Variants in DYM observed in about 807,000 individuals in gnomAD.
The protein encoded by DYM is dymeclin.
Under a neutral mutation model 93.1 loss-of-function variants are expected in DYM, and 78 were observed. That is an observed-to-expected ratio of 0.84 (90% CI 0.70 to 1.01). The LOEUF is 1.01. Ranked by LOEUF, DYM falls within the 50% of genes least tolerant of loss-of-function variation. DYM has a pLI of 0.00. For synonymous variants in DYM, 321 were observed against 319.7 expected, an observed-to-expected ratio of 1.00 and a Z score of -0.04; for missense variants, 789 against 845.0, an observed-to-expected ratio of 0.93 and a Z score of 0.82.
intron 10 of DYM, among the ~76,000 whole-genome samples, chr18:49,273,947 T>C (rs1454043880): frequency 1.3e-5 from 2 of 151,376 alleles, no homozygotes; most frequent in Admixed American, 6.6e-5. Context: ...AATGTAAGAG[T>C]AAGTAACGGG....
Position 49,042,005 on chromosome 18 carries a change from G to A in DYM, c.*2050C>T, listed in dbSNP as rs1242903066. Reference sequence around the variant, plus strand: ...ATTTTTTGGTTTAAAGGAAAAGGAAGCCAATCAAAATGCTTTGGAAACAAA... The same window carrying A: ...ATTTTTTGGTTTAAAGGAAAAGGAAACCAATCAAAATGCTTTGGAAACAAA... On this transcript the variant is annotated 3_prime_UTR_variant, in exon 18 of 18. Transcript: ENST00000675505. 6.6e-6 allele frequency: 1 copy of A among 152,210 alleles called. No individual in the cohort carries two copies. The highest frequency in any genetic ancestry group is 1.5e-5 in the Non-Finnish European group (1 of 68,046). 9.4% of individuals were successfully genotyped at this position (152,210 alleles called of 1,614,324 possible). A position where few individuals can be genotyped will look rare whatever the true frequency, so the allele number is the denominator to read the frequency against.
intron 17 of DYM, among the ~76,000 whole-genome samples, chr18:49,096,225 G>T (rs557458644): frequency 6.6e-6 from 1 of 152,124 alleles, no homozygotes; most frequent in African/African-American, 2.4e-5. Context: ...TGCCACTTTG[G>T]CTGATAAACA....
At chr18:49,077,962 G>C (rs756014975) in intron 17 of DYM, among the ~76,000 whole-genome samples, 1 of 152,124 alleles carries the variant, frequency 6.6e-6, no homozygotes, top group Non-Finnish European at 1.5e-5. Context: ...ATATGGTTAG[G>C]TTTGCATCTG....
In DYM at chr18:49,219,083, G is replaced by A. The variant is rs530879266; in HGVS notation, c.1461-9368C>T. 3.5e-3 allele frequency among the ~76,000 whole-genome samples: 527 copies of A among 152,158 alleles called. 4 individuals are homozygous for A. Among genetic ancestry groups the A allele is most frequent in the African/African-American group, 0.012 (489 of 41,496 alleles). On this transcript the variant is annotated intron_variant, in intron 13 of 17. Transcript: ENST00000675505. The stretch of plus-strand genomic sequence containing the variant: ...AAATGATAAAGGGAACATCACCACC[G>A]ATCCCACAGAAATACAAACTACCAT...
At chr18:49,277,003 G>A (rs2094860019) in intron 10 of DYM, among the ~76,000 whole-genome samples, 1 of 152,172 alleles carries the variant, frequency 6.6e-6, no homozygotes, top group African/African-American at 2.4e-5. Flanking sequence ...GTTGGATATG[G>A]GGGAATGAGA....
intron 16 of DYM, among the ~76,000 whole-genome samples, chr18:49,100,782 G>A (rs141130982): frequency 2.0e-5 from 3 of 152,282 alleles, no homozygotes; most frequent in African/African-American, 7.2e-5. Flanking sequence ...CTGTCCTACA[G>A]AATTGTAAAA....
At chr18:49,383,083 T>C (rs1450039913) in intron 3 of DYM, among the ~76,000 whole-genome samples, 1 of 152,166 alleles carries the variant, frequency 6.6e-6, no homozygotes, top group Non-Finnish European at 1.5e-5. Flanking sequence ...CCACCCATTT[T>C]CTTCAATAAA....
At chr18:49,281,943 AAAGTAT>A in intron 10 of DYM, 48 bp downstream of exon 10, 1 of 1,566,616 alleles carries the variant, frequency 6.4e-7, no homozygotes. Flanking sequence ...CCTAAAACTT[AAAGTAT>A]AATTAAAAAA....
At chr18:49,351,128 A>T (rs1447586685) in intron 6 of DYM, among the ~76,000 whole-genome samples, 1 of 152,118 alleles carries the variant, frequency 6.6e-6, no homozygotes, top group Non-Finnish European at 1.5e-5. Context: ...GAGACTTAAA[A>T]AAAGAGGGAA....
intron 2 of DYM, among the ~76,000 whole-genome samples, chr18:49,424,842 T>G (rs1284710702): frequency 6.6e-6 from 1 of 152,110 alleles, no homozygotes; most frequent in African/African-American, 2.4e-5. Flanking sequence ...ACAAGGGATG[T>G]GAAAGACCTC....
At chr18:49,273,266 A>G (rs1286599542) in intron 10 of DYM, among the ~76,000 whole-genome samples, 1 of 152,156 alleles carries the variant, frequency 6.6e-6, no homozygotes, top group East Asian at 1.9e-4. Flanking sequence ...GAGCACTATT[A>G]ACTTCCAGGA....
chr18:49,434,837 A>G (rs1033774679), intron 1 of DYM, among the ~76,000 whole-genome samples: 1 of 151,974 alleles, frequency 6.6e-6, no homozygotes, highest in Non-Finnish European at 1.5e-5. Context: ...GTGGTGGTGC[A>G]TGGAGATTTC....
At chr18:49,099,587 A>T (rs758171928) in intron 16 of DYM, among the ~76,000 whole-genome samples, 12 of 152,244 alleles carry the variant, frequency 7.9e-5, no homozygotes, top group Non-Finnish European at 1.5e-4. Flanking sequence ...AAAGAATGAG[A>T]TAAAGATAAA....
chr18:49,302,789 C>T (rs750894571), intron 8 of DYM, among the ~76,000 whole-genome samples: 7 of 152,146 alleles, frequency 4.6e-5, no homozygotes, highest in Non-Finnish European at 8.8e-5. Context: ...TAACAGAATG[C>T]TACGCAGATT....
chr18:49,335,086 G>A (rs973958703), intron 6 of DYM, among the ~76,000 whole-genome samples: 1 of 151,818 alleles, frequency 6.6e-6, no homozygotes, highest in Non-Finnish European at 1.5e-5. Context: ...CAGCCTTGGC[G>A]ATAAGAGCGA....
chr18:49,253,476 A>G (rs2094330641), intron 13 of DYM, among the ~76,000 whole-genome samples: 2 of 152,216 alleles, frequency 1.3e-5, no homozygotes, highest in Non-Finnish European at 2.9e-5. Context: ...GAAATACATA[A>G]TGATTTCCAG....
At chr18:49,101,687 G>A (rs1231503758) in intron 16 of DYM, among the ~76,000 whole-genome samples, 1 of 152,130 alleles carries the variant, frequency 6.6e-6, no homozygotes, top group Non-Finnish European at 1.5e-5. Flanking sequence ...CGATAAACAT[G>A]TAAAATACAT....
chr18:49,153,841 A>C (rs893839600), intron 15 of DYM, among the ~76,000 whole-genome samples: 8 of 152,212 alleles, frequency 5.3e-5, no homozygotes, highest in African/African-American at 1.9e-4. Context: ...AATTTGTGGG[A>C]AAATTTGTAA....
At chr18:49,151,071 A>C (rs1236712953) in intron 15 of DYM, among the ~76,000 whole-genome samples, 1 of 152,178 alleles carries the variant, frequency 6.6e-6, no homozygotes, top group East Asian at 1.9e-4. Context: ...CTACTTCCCA[A>C]AGTATACCAC....
Sources: gnomAD v4.1 joint callset for allele counts (sites outside exome capture counted in the v4.1 genomes callset) on GRCh38, gnomAD v4.1.1 for gene constraint, MANE v1.5 for transcripts, NCBI Gene and HGNC (gene_info 2026-07-23, HGNC 2026-07-21) for gene names.